GSDMB: variants seen among roughly 807,000 people sequenced by gnomAD.
GSDMB encodes the protein gasdermin B, also known as gasdermin-B.
GSDMB carries 32 observed loss-of-function variants against 42.9 expected under a neutral mutation model. The ratio of observed to expected loss-of-function variants is 0.75; its 90% CI spans 0.56 to 1.00. The LOEUF is 1.00. GSDMB is among the 50% of genes least tolerant of loss of function. The pLI is 0.00. For missense variants in GSDMB, 468 were observed against 498.5 expected (o/e 0.94, Z 0.58); for synonymous variants, 175 against 193.7 (o/e 0.90, Z 0.80).
chr17:39,912,577 C>A, intron 2 of GSDMB, 80 bp from the exon 3 acceptor site: 1 of 1,120,720 alleles, frequency 8.9e-7, no homozygotes, highest in Non-Finnish European at 1.4e-6. Flanking sequence ...TGGGGCAGCC[C>A]CATCCTGGGT....
intron 2 of GSDMB, among the ~76,000 whole-genome samples, chr17:39,913,345 C>T (rs897562770): frequency 3.3e-5 from 5 of 150,716 alleles, no homozygotes; most frequent in East Asian, 4.0e-4. Context: ...TGGGTGGGCA[C>T]GGTGGGGTGG....
chr17:39,917,593 GCCC>G, intron 1 of GSDMB: 1 of 303,412 alleles, frequency 3.3e-6, no homozygotes, highest in Non-Finnish European at 5.9e-6. Flanking sequence ...CCCCGCCGCC[GCCC>G]TTAAGAAGGT....
At chr17:39,912,583 T>C (rs1204201007) in intron 2 of GSDMB, 86 bp from the exon 3 acceptor site, 2 of 1,005,788 alleles carry the variant, frequency 2.0e-6, no homozygotes, top group Non-Finnish European at 3.1e-6. Context: ...AGCCCCATCC[T>C]GGGTTCCGTG....
In GSDMB at chr17:39,912,464, A is replaced by G; in HGVS notation, c.269T>C (p.Val90Ala). Residue 90 changes from valine to alanine, a missense_variant, in exon 3 of 11, where the codon GTA (valine) becomes GCA (alanine). Physicochemically the swap from Val to Ala is moderately conservative, Grantham distance 64. Transcript: ENST00000418519. ...CACTATCAACTCTCCCGTTGAGTCT[A>G]CATTATCCAGAATTTGAAACTCAGC... ...QKAEFQILDN[V>A]DSTGELIVRL... is the part of the protein sequence containing the mutation. The G allele has an allele frequency of 6.2e-7, 1 of 1,612,828 alleles. No homozygotes were observed. Among genetic ancestry groups the G allele is most frequent in the Non-Finnish European group, 8.5e-7 (1 of 1,178,792 alleles).
At chr17:39,912,304 T>C in intron 3 of GSDMB, 22 bp downstream of exon 3, 1 of 1,598,528 alleles carries the variant, frequency 6.3e-7, no homozygotes, top group Non-Finnish European at 8.6e-7. Context: ...CCTCCTTCCC[T>C]GCTGCCCAAC....
intron 2 of GSDMB, among the ~76,000 whole-genome samples, chr17:39,915,192 G>A (rs2144713661): frequency 6.6e-6 from 1 of 152,258 alleles, no homozygotes; most frequent in East Asian, 1.9e-4. Flanking sequence ...GGCCAGACTT[G>A]AACTCCTGAC....
At chr17:39,904,987 G>A in intron 10 of GSDMB, 23 bp from the exon 11 acceptor site, 1 of 1,608,334 alleles carries the variant, frequency 6.2e-7, no homozygotes, top group Non-Finnish European at 8.5e-7. Flanking sequence ...CCCCCAGATT[G>A]TAACAGCTAG....
chr17:39,916,713 G>C (rs1325568251), intron 2 of GSDMB, among the ~76,000 whole-genome samples: 1 of 152,184 alleles, frequency 6.6e-6, no homozygotes, highest in South Asian at 2.1e-4. Context: ...TTTGAAACCA[G>C]GTGCTTCCAG....
At chr17:39,905,006 A>G in intron 10 of GSDMB, 42 bp from the exon 11 acceptor site, 1 of 1,567,068 alleles carries the variant, frequency 6.4e-7, no homozygotes, top group Non-Finnish European at 8.8e-7. Flanking sequence ...AGGAACAACG[A>G]TATACCAGAA....
At chr17:39,917,684 C>T in intron 1 of GSDMB, 1 of 280,202 alleles carries the variant, frequency 3.6e-6, no homozygotes, top group South Asian at 3.7e-5. Context: ...CTTTGTAAGC[C>T]TATCCCAAAC....
intron 5 of GSDMB, 50 bp downstream of exon 5, chr17:39,908,908 A>T: frequency 1.9e-6 from 2 of 1,046,398 alleles, no homozygotes; most frequent in Non-Finnish European, 2.9e-6. Flanking sequence ...CCCCCACCTC[A>T]CTGGTGTGTT....
intron 2 of GSDMB, among the ~76,000 whole-genome samples, chr17:39,916,873 G>A (rs1002320497): frequency 2.6e-5 from 4 of 152,236 alleles, no homozygotes; most frequent in Non-Finnish European, 4.4e-5. Flanking sequence ...ATTTAGGAAC[G>A]GTTTCCAGTG....
rs1598272912 is a variant in GSDMB at position 39,905,728 on chromosome 17, G to A, written c.1027+119C>T. The stretch of plus-strand genomic sequence containing the variant: ...TGCCTGGCCTGAGGAAGACATGAAG[G>A]AGTGCCCCCCATAAACTGTGAAGAG... On this transcript the variant is annotated intron_variant, in intron 9 of 10. Coordinates refer to ENST00000418519, the MANE Select transcript of GSDMB (RefSeq NM_001165958.2). The A allele has an allele frequency of 2.6e-6, 3 of 1,161,358 alleles. No individual in the cohort carries two copies. In the East Asian group the frequency reaches 7.0e-5, roughly 27 times the overall value. 71.9% of individuals were successfully genotyped at this position (1,161,358 alleles called of 1,614,324 possible).
intron 2 of GSDMB, among the ~76,000 whole-genome samples, chr17:39,916,065 G>T: frequency 6.6e-6 from 1 of 152,096 alleles, no homozygotes; most frequent in East Asian, 1.9e-4. Flanking sequence ...GAATAACTGA[G>T]ATCAGAGGCA....
chr17:39,905,002 A>G (rs1484193048), intron 10 of GSDMB, 38 bp from the exon 11 acceptor site: 2 of 1,582,056 alleles, frequency 1.3e-6, no homozygotes, highest in African/African-American at 2.7e-5. Context: ...AGCTAGGAAC[A>G]ACGATATACC....
chr17:39,916,686 A>T (rs1458936820), intron 2 of GSDMB, among the ~76,000 whole-genome samples: 1 of 152,182 alleles, frequency 6.6e-6, no homozygotes, highest in Non-Finnish European at 1.5e-5. Context: ...CGCAGCTGAT[A>T]AGAGGCAGAG....
intron 6 of GSDMB, 88 bp downstream of exon 6, chr17:39,908,088 G>A (rs747554751): frequency 9.9e-5 from 80 of 804,334 alleles, no homozygotes; most frequent in Non-Finnish European, 1.5e-4. Flanking sequence ...CCACATCCTC[G>A]GACCTAACCA....
At chr17:39,908,139 C>G in intron 6 of GSDMB, 37 bp downstream of exon 6, 1 of 1,255,330 alleles carries the variant, frequency 8.0e-7, no homozygotes, top group South Asian at 1.3e-5. Context: ...TTTGCCCATT[C>G]TGAAATGACG....
chr17:39,906,488 C>A, intron 7 of GSDMB: 3 of 1,159,588 alleles, frequency 2.6e-6, no homozygotes, highest in Non-Finnish European at 3.5e-6. Flanking sequence ...CAGCTCACCC[C>A]CAGTCTAGTC....
Sources: allele counts gnomAD v4.1 joint callset (sites outside exome capture counted in the v4.1 genomes callset), GRCh38; gene constraint gnomAD v4.1.1; transcripts MANE v1.5; gene names NCBI Gene and HGNC (gene_info 2026-07-23, HGNC 2026-07-21).